The following AMOTL2 variants were observed in gnomAD, a reference collection of about 807,000 sequenced individuals.
The protein encoded by AMOTL2 is angiomotin-like protein 2.
In AMOTL2, 33 loss-of-function variants were observed where a neutral mutation model predicts 78.4. The ratio of observed to expected loss-of-function variants is 0.42; its 90% CI spans 0.32 to 0.56. AMOTL2 has a LOEUF of 0.56. Ranked by LOEUF, AMOTL2 falls within the 20% of genes least tolerant of loss-of-function variation. The pLI is 0.12. For missense variants in AMOTL2, 983 were observed against 1,030.1 expected (o/e 0.95, Z 0.63); for synonymous variants, 422 against 428.8 (o/e 0.98, Z 0.20).
chr3:134,364,216 G>T (rs2017504893), intron 5 of AMOTL2, among the ~76,000 whole-genome samples: 1 of 152,052 alleles, frequency 6.6e-6, no homozygotes, highest in Admixed American at 6.5e-5. Flanking sequence ...GCGGCGGGGG[G>T]CGGGCCGGGA....
intron 6 of AMOTL2, 131 bp downstream of exon 6, chr3:134,361,381 G>A (rs903337129): frequency 3.2e-5 from 35 of 1,086,258 alleles, no homozygotes; most frequent in Non-Finnish European, 3.8e-5. Flanking sequence ...GCCTTCCAAC[G>A]GGCCTGCAGC....
Position 134,371,092 on chromosome 3 carries a change from C to T in AMOTL2, c.342G>A (p.Ser114=), listed in dbSNP as rs377766964. 2.2e-5 allele frequency: 36 copies of T among 1,612,190 alleles called. No homozygotes were observed. Among genetic ancestry groups the T allele is most frequent in the Non-Finnish European group, 3.0e-5 (35 of 1,179,362 alleles). The change falls in exon 2 of 10, where the codon TCG becomes TCA. Residue 114 remains serine, a synonymous_variant. Transcript: ENST00000249883. The part of the protein sequence containing the change: ...LPTYEEAKAH[S]QYYAAQQAGT... Reference sequence around the variant, plus strand: ...CTGCCTGCTGGGCCGCATAGTACTGCGAGTGGGCTTTGGCCTCCTCATAGG... The same window carrying T: ...CTGCCTGCTGGGCCGCATAGTACTGTGAGTGGGCTTTGGCCTCCTCATAGG...
Position 134,356,041 on chromosome 3 carries a change from G to A in AMOTL2, c.*1664C>T, listed in dbSNP as rs1393557880. The A allele has an allele frequency of 6.6e-6, 1 of 152,534 alleles. No individual in the cohort carries two copies. Among genetic ancestry groups the A allele is most frequent in the Non-Finnish European group, 1.5e-5 (1 of 68,024 alleles). The allele number at this position is 152,534 out of a possible 1,614,324, so 9.4% of individuals were successfully genotyped here. A position where few individuals can be genotyped will look rare whatever the true frequency, so the allele number is the denominator to read the frequency against. ...TGGTCTTTGGCAGAAAATGTTCACA[G>A]CACAAAAAATACTTTAAAAGAAATA... On this transcript the variant is annotated 3_prime_UTR_variant, in exon 10 of 10. Transcript: ENST00000249883.
rs1365269918 is a variant in AMOTL2, at chr3:134,374,435, G to T, written c.-155C>A. 2.0e-6 allele frequency: 2 copies of T among 985,340 alleles called. No homozygotes were observed. The highest frequency in any genetic ancestry group is 1.7e-5 in the African/African-American group (1 of 57,228). 61.0% of individuals were successfully genotyped at this position (985,340 alleles called of 1,614,324 possible). A position where few individuals can be genotyped will look rare whatever the true frequency, so the allele number is the denominator to read the frequency against. On this transcript the variant is annotated 5_prime_UTR_variant, in exon 1 of 10. Coordinates refer to ENST00000249883, the MANE Select transcript of AMOTL2 (RefSeq NM_016201.4). Reference sequence around the variant, plus strand: ...CGGCGAAGATGTGTTCTCGGCCGTGGCGCCGACGCTCTGGCTGTTCGCGCC... The same window carrying T: ...CGGCGAAGATGTGTTCTCGGCCGTGTCGCCGACGCTCTGGCTGTTCGCGCC...
At position 134,357,602 on chromosome 3, in the gene AMOTL2, G is replaced by T; in HGVS notation, c.*103C>A. ...CAATGGGAATGAGTGTCTGGCTGGG[G>T]AAAGGGACGGAGCAGCGGTTGACGG... On this transcript the variant is annotated 3_prime_UTR_variant, in exon 10 of 10. Coordinates refer to ENST00000249883, the MANE Select transcript of AMOTL2 (RefSeq NM_016201.4). The T allele has an allele frequency of 1.7e-6, 2 of 1,208,664 alleles. No homozygotes were observed. Among genetic ancestry groups the T allele is most frequent in the South Asian group, 1.2e-5 (1 of 81,424 alleles). 74.9% of individuals were successfully genotyped at this position (1,208,664 alleles called of 1,614,324 possible).
intron 3 of AMOTL2, 114 bp from the exon 4 acceptor site, chr3:134,366,541 G>C: frequency 9.1e-7 from 1 of 1,093,750 alleles, no homozygotes; most frequent in South Asian, 1.6e-5. Context: ...CACCAAACAG[G>C]AGCAAAACCT....
chr3:134,367,953 T>G, intron 2 of AMOTL2, 150 bp from the exon 3 acceptor site: 1 of 645,784 alleles, frequency 1.5e-6, no homozygotes, highest in Non-Finnish European at 2.5e-6. Context: ...CTGCAGATAA[T>G]TATTCAACCC....
At chr3:134,364,217 C>T (rs1024688731) in intron 5 of AMOTL2, among the ~76,000 whole-genome samples, 1 of 151,434 alleles carries the variant, frequency 6.6e-6, no homozygotes, top group Admixed American at 6.6e-5. Flanking sequence ...CGGCGGGGGG[C>T]GGGCCGGGAG....
intron 1 of AMOTL2, among the ~76,000 whole-genome samples, chr3:134,372,548 C>CACACACACACAA (rs1268109465): frequency 6.6e-6 from 1 of 151,628 alleles, no homozygotes; most frequent in African/African-American, 2.4e-5. Context: ...CACACACACA[C>CACACACACACAA]ACACACACAA....
chr3:134,375,156 G>T, upstream of AMOTL2: 1 of 1,534,088 alleles, frequency 6.5e-7, no homozygotes, highest in Non-Finnish European at 8.7e-7. Flanking sequence ...GTGAATCTGG[G>T]TTGGAAAATC....
Position 134,360,367 on chromosome 3 carries a change from G to A in AMOTL2, c.1622C>T (p.Pro541Leu), listed in dbSNP as rs35938212. Residue 541 changes from proline to leucine, a missense_variant, in exon 7 of 10, where the codon CCA becomes CTA. Physicochemically the swap from Pro to Leu is moderately conservative, Grantham distance 98. Coordinates refer to ENST00000249883, the MANE Select transcript of AMOTL2 (RefSeq NM_016201.4). ...TGACAGTCGCAGGGCGCTGAGCTCT[G>A]GAGACCCACCACTGCCACTGCTACC... is the stretch of plus-strand genomic sequence containing the variant. ...PGGSSGSGGSPELSALRLSEQ... is the reference protein window; with the variant it reads ...PGGSSGSGGSLELSALRLSEQ... 4.3e-5 allele frequency: 70 copies of A among 1,613,784 alleles called. No homozygotes were observed. The African/African-American group carries it at 7.3e-4, about 17-fold the overall frequency.
Position 134,360,078 on chromosome 3 carries a change from C to G in AMOTL2, c.1883+28G>C, listed in dbSNP as rs1434604848. 2.8e-5 allele frequency: 45 copies of G among 1,589,134 alleles called. 1 individual carries two copies. The highest frequency in any genetic ancestry group is 3.4e-5 in the Non-Finnish European group (40 of 1,163,928). On this transcript the variant is annotated intron_variant, in intron 7 of 9. Transcript: ENST00000249883. Reference sequence around the variant, plus strand: ...GGACATTGCCACCCACCCCCCCAACCTCAGGTGCCTGGCCTGCAATGCCGA... The same window carrying G: ...GGACATTGCCACCCACCCCCCCAACGTCAGGTGCCTGGCCTGCAATGCCGA...
intron 3 of AMOTL2, 176 bp from the exon 4 acceptor site, chr3:134,366,603 T>A: frequency 1.6e-6 from 1 of 626,758 alleles, no homozygotes; most frequent in Non-Finnish European, 2.7e-6. Context: ...GGAAGTAGAA[T>A]AGACTGCTGG....
chr3:134,356,080 C>A lies in AMOTL2; in HGVS notation c.*1625G>T, dbSNP rs1162236602. 1 of 152,464 alleles carries A rather than the reference C, an allele frequency of 6.6e-6. No homozygotes were observed. Among genetic ancestry groups the A allele is most frequent in the African/African-American group, 2.4e-5 (1 of 41,400 alleles). The allele number at this position is 152,464 out of a possible 1,614,324, so 9.4% of individuals were successfully genotyped here. On this transcript the variant is annotated 3_prime_UTR_variant, in exon 10 of 10. Coordinates refer to ENST00000249883, the MANE Select transcript of AMOTL2 (RefSeq NM_016201.4). Reference sequence around the variant, plus strand: ...TTAAAAGAAATACCAAATATTAATCCAAAATATATTAAGTTGTTTTTTTTC... The same window carrying A: ...TTAAAAGAAATACCAAATATTAATCAAAAATATATTAAGTTGTTTTTTTTC...
intron 8 of AMOTL2, 134 bp downstream of exon 8, chr3:134,359,149 G>A: frequency 1.0e-6 from 1 of 973,652 alleles, no homozygotes; most frequent in Admixed American, 2.2e-5. Context: ...CAGAGAATAA[G>A]CCAGCTCCCC....
intron 1 of AMOTL2, 151 bp from the exon 2 acceptor site, chr3:134,371,645 G>A: frequency 7.8e-7 from 1 of 1,287,074 alleles, no homozygotes. Flanking sequence ...CTGGGTTCAA[G>A]TACCAGTGCT....
intron 1 of AMOTL2, chr3:134,371,739 A>G: frequency 1.9e-6 from 1 of 529,876 alleles, no homozygotes; most frequent in African/African-American, 1.9e-5. Context: ...TGCTTGACTC[A>G]TGGAGATGAG....
At position 134,361,734 on chromosome 3, in the gene AMOTL2, C is replaced by A; in HGVS notation, c.1353G>T (p.Gln451His). The A allele has an allele frequency of 6.2e-7, 1 of 1,607,020 alleles. No homozygotes were observed. The highest frequency in any genetic ancestry group is 8.5e-7 in the Non-Finnish European group (1 of 1,176,854). ...MALLRGAIED[Q>H]RRRAELLEQA... ...GCTCCAGCAGCTCGGCACGCCGCCG[C>A]TGGTCCTCGATGGCGCCGCGCAGCA... Residue 451 changes from glutamine to histidine, a missense_variant, in exon 6 of 10, where the codon CAG becomes CAT. Physicochemically the swap from Gln to His is conservative, Grantham distance 24. Coordinates refer to ENST00000249883, the MANE Select transcript of AMOTL2 (RefSeq NM_016201.4).
chr3:134,374,931 G>GTGTA, upstream of AMOTL2: 1 of 1,326,202 alleles, frequency 7.5e-7, no homozygotes, highest in Non-Finnish European at 9.7e-7. Context: ...GTGTGTGCGT[G>GTGTA]TGTGTGTACC....
Sources: gnomAD v4.1 joint callset for allele counts (sites outside exome capture counted in the v4.1 genomes callset) on GRCh38, gnomAD v4.1.1 for gene constraint, MANE v1.5 for transcripts, NCBI Gene and HGNC (gene_info 2026-07-23, HGNC 2026-07-21) for gene names.